Variants in SP2 observed in about 807,000 individuals in gnomAD.
SP2 encodes Sp2 transcription factor, also known as transcription factor Sp2.
Under a neutral mutation model 50.1 loss-of-function variants are expected in SP2, and 9 were observed. The ratio of observed to expected loss-of-function variants is 0.18; its 90% CI spans 0.11 to 0.31. SP2 has a LOEUF of 0.31. SP2 is among the 10% of genes least tolerant of loss of function. SP2 has a pLI of 1.00. For synonymous variants in SP2, 313 were observed against 326.6 expected (o/e 0.96, Z 0.45); for missense variants, 581 against 806.5 (o/e 0.72, Z 3.39).
chr17:47,913,513 A>G (rs1236725239), intron 1 of SP2, among the ~76,000 whole-genome samples: 1 of 152,176 alleles, frequency 6.6e-6, no homozygotes, highest in East Asian at 1.9e-4. Flanking sequence ...TTAAGATGGT[A>G]TAGATTCTTT....
rs924081041 is a variant in SP2 at position 47,928,673 on chromosome 17, C to G, written c.*849C>G. The G allele has an allele frequency of 5.9e-5, 9 of 152,890 alleles. No individual in the cohort carries two copies. The highest frequency in any genetic ancestry group is 1.3e-4 in the Admixed American group (2 of 15,308). 9.5% of individuals were successfully genotyped at this position (152,890 alleles called of 1,614,324 possible). A position where few individuals can be genotyped will look rare whatever the true frequency, so the allele number is the denominator to read the frequency against. ...CACATCCTGCACCTCCTCCCTCTCC[C>G]TTCACCTCACCCCTGCCCGGCCCAA... On this transcript the variant is annotated 3_prime_UTR_variant, in exon 7 of 7. Coordinates refer to ENST00000376741, the MANE Select transcript of SP2 (RefSeq NM_003110.6).
intron 6 of SP2, among the ~76,000 whole-genome samples, chr17:47,927,477 A>T (rs1429175955): frequency 7.0e-6 from 1 of 142,614 alleles, no homozygotes; most frequent in Non-Finnish European, 1.5e-5. Context: ...GGTTGCAGTG[A>T]GTGGAGATTG....
chr17:47,917,675 G>C (rs112987605), intron 3 of SP2: 166 of 265,138 alleles, frequency 6.3e-4, no homozygotes, highest in African/African-American at 3.9e-3. Context: ...GGGCTGGAGT[G>C]CAGTGATGCG....
chr17:47,927,915 G>A lies in SP2; in HGVS notation c.*91G>A. On this transcript the variant is annotated 3_prime_UTR_variant, in exon 7 of 7. Transcript: ENST00000376741. ...GGAAAGGAGCCCTGTGGCTGCCTTG[G>A]GCCTGCCCTCAGCCCCACTCCTGTT... 1 of 776,972 alleles carries A rather than the reference G, an allele frequency of 1.3e-6. No homozygotes were observed. The highest frequency in any genetic ancestry group is 1.5e-5 in the South Asian group (1 of 65,182). 48.1% of individuals were successfully genotyped at this position (776,972 alleles called of 1,614,324 possible).
chr17:47,927,869 T>C lies in SP2; in HGVS notation c.*45T>C. ...CCCTGAAGATGCAGTCCCCCACCTG[T>C]GTCCTCCCTGGGCCCCTGGTGGAAA... On this transcript the variant is annotated 3_prime_UTR_variant, in exon 7 of 7. Transcript: ENST00000376741. 1 of 1,182,530 alleles carries C rather than the reference T, an allele frequency of 8.5e-7. No individual in the cohort carries two copies. Among genetic ancestry groups the C allele is most frequent in the Middle Eastern group, 1.9e-4 (1 of 5,294 alleles). The allele number at this position is 1,182,530 out of a possible 1,614,324, so 73.3% of individuals were successfully genotyped here.
intron 1 of SP2, among the ~76,000 whole-genome samples, chr17:47,904,534 T>C (rs1158238481): frequency 6.6e-6 from 1 of 151,588 alleles, no homozygotes; most frequent in Non-Finnish European, 1.5e-5. Flanking sequence ...TACCTAAGGG[T>C]CATTGCCTGA....
At position 47,922,945 on chromosome 17, in the gene SP2, T is replaced by C. The variant is rs755148313; in HGVS notation, c.1060-17T>C. On this transcript the variant is annotated splice_polypyrimidine_tract_variant and intron_variant, in intron 3 of 6. Transcript: ENST00000376741. The stretch of plus-strand genomic sequence containing the variant: ...GTCTCTTCCAGGCACTGATTTTTTT[T>C]CTCTGGCCCCTCCCAGGTCTACATC... 61 of 1,595,896 alleles carry C rather than the reference T, an allele frequency of 3.8e-5. No individual in the cohort carries two copies. Among genetic ancestry groups the C allele is most frequent in the Non-Finnish European group, 4.8e-5 (56 of 1,167,380 alleles).
At chr17:47,930,817 A>T (rs2035803343), downstream of SP2, among the ~76,000 whole-genome samples, 1 of 152,030 alleles carries the variant, frequency 6.6e-6, no homozygotes, top group South Asian at 2.1e-4. Flanking sequence ...CCCCAGCGTC[A>T]TGTGCACCAA....
At chr17:47,919,414 A>G (rs1230974871) in intron 3 of SP2, among the ~76,000 whole-genome samples, 1 of 152,154 alleles carries the variant, frequency 6.6e-6, no homozygotes, top group Non-Finnish European at 1.5e-5. Flanking sequence ...TCTATTTAAA[A>G]AAAAAAAATT....
chr17:47,906,854 C>T (rs1403718156), intron 1 of SP2, among the ~76,000 whole-genome samples: 2 of 152,046 alleles, frequency 1.3e-5, no homozygotes. Flanking sequence ...CAGACACAGG[C>T]CTATGAGTTG....
chr17:47,917,095 T>G lies in SP2; in HGVS notation c.1024T>G (p.Phe342Val). The change falls in exon 3 of 7, where the codon TTT becomes GTT. Residue 342 changes from phenylalanine to valine, a missense_variant. Around this residue, in one of 2 missense-constraint regions of SP2, gnomAD observed 397 missense variants for 491.0 expected, o/e 0.81. Coordinates refer to ENST00000376741, the MANE Select transcript of SP2 (RefSeq NM_003110.6). Reference sequence around the variant, plus strand: ...TGTACCCCAGAAGCCCTCCCAGAACTTTCAGATCCAGGCAGCTGAGCCGAC... The same window carrying G: ...TGTACCCCAGAAGCCCTCCCAGAACGTTCAGATCCAGGCAGCTGAGCCGAC... Reference protein sequence around the residue: ...PTVPQKPSQNFQIQAAEPTPT... With the variant: ...PTVPQKPSQNVQIQAAEPTPT... The G allele has an allele frequency of 6.2e-7, 1 of 1,612,806 alleles. No individual in the cohort carries two copies. The highest frequency in any genetic ancestry group is 1.1e-5 in the South Asian group (1 of 91,008).
downstream of SP2, among the ~76,000 whole-genome samples, chr17:47,930,807 C>A (rs970514039): frequency 6.6e-6 from 1 of 152,080 alleles, no homozygotes; most frequent in Non-Finnish European, 1.5e-5. Flanking sequence ...CCTCTACTGT[C>A]CCCAGCGTCA....
intron 1 of SP2, among the ~76,000 whole-genome samples, chr17:47,910,377 T>C (rs1481598413): frequency 6.6e-6 from 1 of 152,250 alleles, no homozygotes; most frequent in Admixed American, 6.5e-5. Context: ...GGTGTATGTA[T>C]GCATATGGTG....
downstream of SP2, chr17:47,929,091 A>T (rs998516741): frequency 6.6e-6 from 1 of 152,562 alleles, no homozygotes; most frequent in African/African-American, 2.4e-5. Context: ...CCCTCGGCAA[A>T]CCCAAGCCAC....
intron 3 of SP2, among the ~76,000 whole-genome samples, chr17:47,920,074 G>C (rs1269925600): frequency 6.6e-6 from 1 of 151,612 alleles, no homozygotes; most frequent in Non-Finnish European, 1.5e-5. Context: ...TTCTTTACTT[G>C]ACCATCATGA....
intron 1 of SP2, among the ~76,000 whole-genome samples, chr17:47,896,962 C>T (rs1339473146): frequency 1.3e-5 from 2 of 152,192 alleles, no homozygotes; most frequent in Non-Finnish European, 2.9e-5. Flanking sequence ...TTACTTGGAT[C>T]CTTGATCTTC....
intron 1 of SP2, among the ~76,000 whole-genome samples, chr17:47,906,639 A>G (rs2034772402): frequency 6.6e-6 from 1 of 152,252 alleles, no homozygotes; most frequent in Admixed American, 6.5e-5. Context: ...GAGAACAGAA[A>G]GAGCTGTAAG....
rs1426739156 is a variant in SP2 at position 47,928,001 on chromosome 17, T to G, written c.*177T>G. On this transcript the variant is annotated 3_prime_UTR_variant, in exon 7 of 7. Transcript: ENST00000376741. ...TGTATTGTCCTCCTTCTGAAGCCCC[T>G]TGGCTCTGCCTTGGCCCTTCCCCTC... The G allele has an allele frequency of 1.7e-6, 1 of 592,558 alleles. No homozygotes were observed. The highest frequency in any genetic ancestry group is 1.9e-5 in the African/African-American group (1 of 53,688). The allele number at this position is 592,558 out of a possible 1,614,324, so 36.7% of individuals were successfully genotyped here.
chr17:47,929,460 C>T (rs2035773866), downstream of SP2, among the ~76,000 whole-genome samples: 2 of 152,216 alleles, frequency 1.3e-5, no homozygotes, highest in Non-Finnish European at 2.9e-5. Flanking sequence ...AAGGGCGAGG[C>T]AGGTTCCTGG....
Sources: allele counts gnomAD v4.1 joint callset (sites outside exome capture counted in the v4.1 genomes callset), GRCh38; gene constraint gnomAD v4.1.1; regional missense constraint gnomAD v4.1.1; transcripts MANE v1.5; gene names NCBI Gene and HGNC (gene_info 2026-07-23, HGNC 2026-07-21).